Variants in EDIL3 observed in about 807,000 individuals in gnomAD.
EDIL3 encodes the protein EGF-like repeat and discoidin I-like domain-containing protein 3.
A neutral mutation model predicts 67.4 loss-of-function variants in EDIL3; 37 were observed. The observed-to-expected ratio is 0.55, with a 90% CI of 0.42 to 0.72. The LOEUF (loss-of-function observed/expected upper bound fraction) is 0.72, where lower values mean the gene tolerates loss of function less well. EDIL3 is among the 30% of genes least tolerant of loss of function. The pLI is 0.00. For missense variants in EDIL3, 527 were observed against 586.3 expected, an observed-to-expected ratio of 0.90 and a Z score of 1.04; for synonymous variants, 195 against 196.3, an observed-to-expected ratio of 0.99 and a Z score of 0.05.
intron 3 of EDIL3, among the ~76,000 whole-genome samples, chr5:84,184,014 G>A (rs1214420102): frequency 6.6e-6 from 1 of 152,210 alleles, no homozygotes; most frequent in Non-Finnish European, 1.5e-5. Flanking sequence ...GCTGAGGCAG[G>A]AGAATTGCTT....
intron 3 of EDIL3, among the ~76,000 whole-genome samples, chr5:84,196,456 T>A (rs1431982544): frequency 2.0e-5 from 3 of 152,064 alleles, no homozygotes; most frequent in Non-Finnish European, 4.4e-5. Context: ...TCTTGTTTTC[T>A]CAATGGCTTT....
intron 3 of EDIL3, among the ~76,000 whole-genome samples, chr5:84,191,372 T>C (rs1306875214): frequency 6.6e-6 from 1 of 152,020 alleles, no homozygotes; most frequent in East Asian, 1.9e-4. Flanking sequence ...CTGCAGGAGA[T>C]GTTCCTGCTG....
chr5:84,143,048 A>C (rs1267630875), intron 4 of EDIL3, among the ~76,000 whole-genome samples: 1 of 151,970 alleles, frequency 6.6e-6, no homozygotes, highest in Non-Finnish European at 1.5e-5. Flanking sequence ...ATTGCCTTTT[A>C]AAGTTTGACC....
At chr5:84,348,292 T>C (rs1174038476) in intron 1 of EDIL3, among the ~76,000 whole-genome samples, 1 of 152,022 alleles carries the variant, frequency 6.6e-6, no homozygotes, top group Admixed American at 6.6e-5. Context: ...TCATTTCTAC[T>C]CTCCTTGTTC....
At chr5:84,240,258 G>T (rs1466975144) in intron 2 of EDIL3, among the ~76,000 whole-genome samples, 1 of 152,118 alleles carries the variant, frequency 6.6e-6, no homozygotes, top group African/African-American at 2.4e-5. Flanking sequence ...AAAGCCTGAG[G>T]TAGTACTTAA....
At chr5:84,005,055 G>T (rs1239316256) in intron 9 of EDIL3, among the ~76,000 whole-genome samples, 1 of 152,008 alleles carries the variant, frequency 6.6e-6, no homozygotes, top group Non-Finnish European at 1.5e-5. Flanking sequence ...ATACTATTAT[G>T]AACACTTCTA....
At chr5:84,103,065 G>A (rs1368160483) in intron 6 of EDIL3, among the ~76,000 whole-genome samples, 1 of 151,914 alleles carries the variant, frequency 6.6e-6, no homozygotes, top group Non-Finnish European at 1.5e-5. Flanking sequence ...AAATAAGGTT[G>A]CACACCTACA....
chr5:84,065,066 C>G (rs1176676037), intron 7 of EDIL3, among the ~76,000 whole-genome samples: 1 of 152,130 alleles, frequency 6.6e-6, no homozygotes. Flanking sequence ...ATGACATGAT[C>G]TATATTCCAC....
chr5:84,139,920 G>A (rs940284400), intron 4 of EDIL3, among the ~76,000 whole-genome samples: 2 of 152,144 alleles, frequency 1.3e-5, no homozygotes, highest in African/African-American at 4.8e-5. Flanking sequence ...TTAGGTACAG[G>A]AGTAAAGCAT....
chr5:84,202,888 G>A (rs994089010), intron 3 of EDIL3, among the ~76,000 whole-genome samples: 1 of 152,048 alleles, frequency 6.6e-6, no homozygotes, highest in African/African-American at 2.4e-5. Flanking sequence ...GAAGAAATGA[G>A]GCACTCTAAG....
chr5:84,195,195 C>G (rs1032648345), intron 3 of EDIL3, among the ~76,000 whole-genome samples: 5 of 151,848 alleles, frequency 3.3e-5, no homozygotes, highest in African/African-American at 4.8e-5. Context: ...ATTACCAATA[C>G]AATTTCTATT....
chr5:83,998,346 C>T (rs1328954664), intron 9 of EDIL3, among the ~76,000 whole-genome samples: 3 of 152,300 alleles, frequency 2.0e-5, no homozygotes, highest in African/African-American at 7.2e-5. Context: ...CAGAAGGGAA[C>T]TCGCTACGTT....
chr5:84,041,926 G>A (rs565868188), intron 9 of EDIL3, among the ~76,000 whole-genome samples: 1 of 152,076 alleles, frequency 6.6e-6, no homozygotes, highest in Non-Finnish European at 1.5e-5. Flanking sequence ...TAGGTGGTAG[G>A]ATGTTAAGAA....
At chr5:84,181,810 T>C (rs192820365) in intron 3 of EDIL3, among the ~76,000 whole-genome samples, 11 of 152,280 alleles carry the variant, frequency 7.2e-5, no homozygotes, top group African/African-American at 2.4e-4. Context: ...TTCTCTAATT[T>C]AGTCTGTACT....
chr5:84,088,112 T>C (rs1747103654), intron 6 of EDIL3, among the ~76,000 whole-genome samples: 2 of 152,184 alleles, frequency 1.3e-5, no homozygotes, highest in Non-Finnish European at 2.9e-5. Flanking sequence ...ATAAGATAAT[T>C]TGAAATGTTT....
intron 10 of EDIL3, among the ~76,000 whole-genome samples, chr5:83,956,975 A>G (rs1744527243): frequency 6.6e-6 from 1 of 151,766 alleles, no homozygotes; most frequent in Non-Finnish European, 1.5e-5. Context: ...CAATTAAGTC[A>G]CTCAGCCACT....
intron 4 of EDIL3, among the ~76,000 whole-genome samples, chr5:84,174,055 G>T (rs1051624711): frequency 2.6e-5 from 4 of 152,214 alleles, no homozygotes; most frequent in Non-Finnish European, 4.4e-5. Context: ...GGAGACAGAT[G>T]AGGGGCCCAT....
chr5:84,130,802 A>C (rs1747950678), intron 5 of EDIL3, among the ~76,000 whole-genome samples: 1 of 152,156 alleles, frequency 6.6e-6, no homozygotes. Flanking sequence ...AACATACAAA[A>C]AGATAAATCA....
intron 5 of EDIL3, among the ~76,000 whole-genome samples, chr5:84,126,585 G>A (rs1462736498): frequency 6.6e-6 from 1 of 152,028 alleles, no homozygotes; most frequent in Non-Finnish European, 1.5e-5. Context: ...CATGTATTAT[G>A]TGAAATGAAA....
Sources: allele counts gnomAD v4.1 joint callset (sites outside exome capture counted in the v4.1 genomes callset), GRCh38; gene constraint gnomAD v4.1.1; transcripts MANE v1.5; gene names NCBI Gene and HGNC (gene_info 2026-07-23, HGNC 2026-07-21).